Variants in TNPO1 observed in about 807,000 individuals in gnomAD.
TNPO1 encodes transportin-1.
TNPO1 carries 8 observed loss-of-function variants against 119.5 expected under a neutral mutation model. The ratio of observed to expected loss-of-function variants is 0.07; its 90% CI spans 0.04 to 0.12. The LOEUF (loss-of-function observed/expected upper bound fraction) is 0.12, where lower values mean the gene tolerates loss of function less well. Ranked by LOEUF, TNPO1 falls within the 10% of genes least tolerant of loss-of-function variation. TNPO1 has a pLI of 1.00. For missense variants in TNPO1, 576 were observed against 1,089.8 expected (o/e 0.53, Z 6.64); for synonymous variants, 362 against 363.0 (o/e 1.00, Z 0.03).
chr5:72,891,771 G>T (rs760357908), intron 14 of TNPO1, 39 bp from the exon 15 acceptor site: 1 of 1,413,544 alleles, frequency 7.1e-7, no homozygotes, highest in Non-Finnish European at 9.9e-7. Flanking sequence ...GTTGACATGT[G>T]ATAGTGGAAT....
intron 13 of TNPO1, among the ~76,000 whole-genome samples, chr5:72,888,631 T>A (rs1011075982): frequency 2.0e-5 from 3 of 152,208 alleles, no homozygotes; most frequent in African/African-American, 7.2e-5. Flanking sequence ...TCCCACTCAG[T>A]GGTTATTATA....
chr5:72,902,239 G>T (rs941382032), intron 22 of TNPO1, among the ~76,000 whole-genome samples: 1 of 152,116 alleles, frequency 6.6e-6, no homozygotes, highest in Admixed American at 6.5e-5. Context: ...ACTCCGAGAG[G>T]GGTGTTTTGA....
At position 72,910,161 on chromosome 5, in the gene TNPO1, G is replaced by A. The variant is rs748831075; in HGVS notation, c.*1488G>A. Reference sequence around the variant, plus strand: ...CAGGGTTCCTACACTGTATTTTGGCGCATGTTGGTGGCCCTCTGTGCCCTA... The same window carrying A: ...CAGGGTTCCTACACTGTATTTTGGCACATGTTGGTGGCCCTCTGTGCCCTA... On this transcript the variant is annotated 3_prime_UTR_variant, in exon 25 of 25. Transcript: ENST00000337273. 4 of 152,478 alleles carry A rather than the reference G, an allele frequency of 2.6e-5. No homozygotes were observed. Among genetic ancestry groups the A allele is most frequent in the Admixed American group, 2.6e-4 (4 of 15,262 alleles). 9.4% of individuals were successfully genotyped at this position (152,478 alleles called of 1,614,324 possible). A position where few individuals can be genotyped will look rare whatever the true frequency, so the allele number is the denominator to read the frequency against.
intron 4 of TNPO1, among the ~76,000 whole-genome samples, chr5:72,860,178 T>A (rs1746323606): frequency 6.6e-6 from 1 of 152,196 alleles, no homozygotes; most frequent in Admixed American, 6.5e-5. Context: ...TTTATACACA[T>A]GGTGATATTT....
chr5:72,868,325 G>A (rs957529036), intron 6 of TNPO1, among the ~76,000 whole-genome samples: 16 of 150,834 alleles, frequency 1.1e-4, no homozygotes, highest in Middle Eastern at 6.9e-3. Flanking sequence ...CCAGCAACTC[G>A]GGAGGCTGAG....
intron 10 of TNPO1, 109 bp from the exon 11 acceptor site, chr5:72,882,955 C>T: frequency 1.2e-6 from 1 of 810,260 alleles, no homozygotes; most frequent in Non-Finnish European, 2.1e-6. Context: ...AAGTATATTT[C>T]AGAATTCTGT....
rs114410364 is a variant in TNPO1 at position 72,893,332 on chromosome 5, G to A, written c.1897-45G>A. ...ATAATGTATACAGACTTTTTAAGTA[G>A]TTAATTAAAACCAAACTTACAAAAA... On this transcript the variant is annotated intron_variant, in intron 16 of 24. Coordinates refer to ENST00000337273, the MANE Select transcript of TNPO1 (RefSeq NM_002270.4). 40,976 of 1,605,842 alleles carry A rather than the reference G, an allele frequency of 0.026. 619 individuals are homozygous for A. The highest frequency in any genetic ancestry group is 0.028 in the Non-Finnish European group (32,912 of 1,176,554).
chr5:72,873,747 C>T (rs1046809471), intron 7 of TNPO1, among the ~76,000 whole-genome samples: 1 of 151,946 alleles, frequency 6.6e-6, no homozygotes, highest in Non-Finnish European at 1.5e-5. Flanking sequence ...AGCTTTTAAC[C>T]TTAGATGCTT....
intron 1 of TNPO1, among the ~76,000 whole-genome samples, chr5:72,839,511 A>G (rs888439843): frequency 6.6e-6 from 1 of 152,210 alleles, no homozygotes. Flanking sequence ...TTAAATTACA[A>G]AGTAAATAAA....
At chr5:72,889,125 T>C (rs1440054179) in intron 13 of TNPO1, among the ~76,000 whole-genome samples, 2 of 152,228 alleles carry the variant, frequency 1.3e-5, no homozygotes, top group Non-Finnish European at 2.9e-5. Flanking sequence ...TGGTGTGATC[T>C]TGGCTTACTG....
In TNPO1 at chr5:72,912,701, A is replaced by G. The variant is rs1750646230; in HGVS notation, c.*4028A>G. Reference sequence around the variant, plus strand: ...TCAAACTCTCAAAATAGGAAAGTGGAAATTTTTCTCCCCTATATAAAATTA... The same window carrying G: ...TCAAACTCTCAAAATAGGAAAGTGGGAATTTTTCTCCCCTATATAAAATTA... On this transcript the variant is annotated 3_prime_UTR_variant, in exon 25 of 25. Transcript: ENST00000337273. The G allele has an allele frequency of 6.6e-6, 1 of 152,398 alleles. No homozygotes were observed. The highest frequency in any genetic ancestry group is 1.5e-5 in the Non-Finnish European group (1 of 67,916). The allele number at this position is 152,398 out of a possible 1,614,324, so 9.4% of individuals were successfully genotyped here.
In TNPO1 at chr5:72,891,818, T is replaced by C; in HGVS notation, c.1710T>C (p.Ile570=). 1 of 1,605,618 alleles carries C rather than the reference T, an allele frequency of 6.2e-7. No individual in the cohort carries two copies. Among genetic ancestry groups the C allele is most frequent in the Non-Finnish European group, 8.5e-7 (1 of 1,174,766 alleles). ...TTCATCATTGTAAATAGGAATATAT[T>C]CAGATGCTAATGCCTCCACTGATCC... The part of the protein sequence containing the change: ...VGHHLNKPEY[I]QMLMPPLIQK... The change falls in exon 15 of 25, where the codon ATT becomes ATC. Residue 570 remains isoleucine, a synonymous_variant. Coordinates refer to ENST00000337273, the MANE Select transcript of TNPO1 (RefSeq NM_002270.4).
chr5:72,845,564 A>G (rs1398582897), intron 1 of TNPO1, among the ~76,000 whole-genome samples: 3 of 152,236 alleles, frequency 2.0e-5, no homozygotes, highest in African/African-American at 4.8e-5. Context: ...GATGTGATAG[A>G]AAAGTTCAAA....
chr5:72,891,949 C>A, intron 15 of TNPO1, 53 bp downstream of exon 15: 2 of 1,359,502 alleles, frequency 1.5e-6, no homozygotes, highest in Non-Finnish European at 2.1e-6. Context: ...TGTTCAAATC[C>A]AAAATGGGTA....
intron 3 of TNPO1, among the ~76,000 whole-genome samples, chr5:72,855,443 C>G (rs1745918677): frequency 6.6e-6 from 1 of 152,078 alleles, no homozygotes; most frequent in South Asian, 2.1e-4. Flanking sequence ...AATTTTAACC[C>G]CCAGAAAACA....
At chr5:72,889,739 A>G in intron 13 of TNPO1, 47 bp from the exon 14 acceptor site, 2 of 1,528,206 alleles carry the variant, frequency 1.3e-6, no homozygotes, top group South Asian at 1.3e-5. Context: ...TAAGAGTTAG[A>G]TATATCTTAC....
At position 72,905,407 on chromosome 5, in the gene TNPO1, T is replaced by C. The variant is rs770024328; in HGVS notation, c.2694T>C (p.Val898=). The C allele has an allele frequency of 1.9e-6, 3 of 1,606,200 alleles. No individual in the cohort carries two copies. The Admixed American group carries it at 5.1e-5, about 27-fold the overall frequency. Residue 898 remains valine, a synonymous_variant, in exon 24 of 25, where the codon GTT becomes GTC. Coordinates refer to ENST00000337273, the MANE Select transcript of TNPO1 (RefSeq NM_002270.4). ...AGCGTCTTGCAGCTTTTTATGGTGT[T>C]TAATCTAATACACTTAAGCTGCAGT... is the stretch of plus-strand genomic sequence containing the variant. ...LKERLAAFYG[V]
rs1468543667 is a variant in TNPO1, at chr5:72,868,443, A to AC, written c.596+2714_596+2715insC. Among the ~76,000 whole-genome samples, 99 of 147,354 alleles carry AC rather than the reference A, an allele frequency of 6.7e-4. 1 individual carries two copies. Among genetic ancestry groups the AC allele is most frequent in the African/African-American group, 2.4e-3 (97 of 40,910 alleles). On this transcript the variant is annotated intron_variant, in intron 6 of 24. Transcript: ENST00000337273. The stretch of plus-strand genomic sequence containing the variant: ...CAAGACTCCGTCTCAAAAAAAAAAA[A>AC]AAAAAAAAAAAAAAAACACAAAATA...
At chr5:72,866,417 A>T (rs1458103912) in intron 6 of TNPO1, among the ~76,000 whole-genome samples, 7 of 152,190 alleles carry the variant, frequency 4.6e-5, no homozygotes, top group Admixed American at 2.6e-4. Context: ...GATAATGAAA[A>T]TGTGGCAATA....
Sources: allele counts gnomAD v4.1 joint callset (sites outside exome capture counted in the v4.1 genomes callset), GRCh38; gene constraint gnomAD v4.1.1; transcripts MANE v1.5; gene names NCBI Gene and HGNC (gene_info 2026-07-23, HGNC 2026-07-21).